DNMT3B: variants seen among roughly 807,000 people sequenced by gnomAD.
DNMT3B encodes DNA (cytosine-5)-methyltransferase 3B.
DNMT3B carries 37 observed loss-of-function variants against 120.2 expected under a neutral mutation model. The ratio of observed to expected loss-of-function variants is 0.31; its 90% confidence interval spans 0.24 to 0.40. The LOEUF (loss-of-function observed/expected upper bound fraction) is 0.40. Among genes scored for constraint, DNMT3B ranks in the 10% least tolerant of loss-of-function variants. DNMT3B has a pLI of 1.00. For missense variants in DNMT3B, 878 were observed against 1,137.3 expected, an observed-to-expected ratio of 0.77 and a Z score of 3.28; for synonymous variants, 412 against 442.8, an observed-to-expected ratio of 0.93 and a Z score of 0.87.
At chr20:32,780,295 A>G in intron 1 of DNMT3B, 23 bp from the exon 2 acceptor site, 1 of 1,613,364 alleles carries the variant, frequency 6.2e-7, no homozygotes, top group Non-Finnish European at 8.5e-7. Flanking sequence ...CTTTCACCCC[A>G]CCCATTCTGG....
intron 19 of DNMT3B, among the ~76,000 whole-genome samples, chr20:32,801,743 C>G (rs755591064): frequency 2.0e-5 from 3 of 152,110 alleles, no homozygotes; most frequent in Non-Finnish European, 2.9e-5. Context: ...CACCACCGTG[C>G]CCAGCCAATT....
intron 1 of DNMT3B, among the ~76,000 whole-genome samples, chr20:32,764,785 A>G (rs374401651): frequency 4.6e-4 from 70 of 152,326 alleles, no homozygotes; most frequent in East Asian, 4.2e-3. Flanking sequence ...AGTCATAGAC[A>G]TAACCCCCAC....
chr20:32,764,537 A>G (rs1370173696), intron 1 of DNMT3B, among the ~76,000 whole-genome samples: 1 of 152,134 alleles, frequency 6.6e-6, no homozygotes, highest in African/African-American at 2.4e-5. Context: ...GCTTTTCTCA[A>G]TCATTGTCCA....
rs1164607955 is a variant in DNMT3B, at chr20:32,766,805, T to G, written c.-7+4106T>G. 2.0e-5 allele frequency among the ~76,000 whole-genome samples: 3 copies of G among 152,170 alleles called. No homozygotes were observed. The East Asian group carries it at 5.8e-4, about 29-fold the overall frequency. On this transcript the variant is annotated intron_variant, in intron 1 of 22. Transcript: ENST00000328111. ...CACCTCATTGCCCAAGCTAGTCTCC[T>G]GGGCTCAAGCAATCTATCCTCCTCA...
chr20:32,798,292 C>T (rs1423616059), intron 14 of DNMT3B, among the ~76,000 whole-genome samples, 168 bp from the exon 15 acceptor site: 3 of 152,172 alleles, frequency 2.0e-5, no homozygotes, highest in Admixed American at 6.5e-5. Flanking sequence ...CCAAGGAAGA[C>T]GTCAGGGAAG....
intron 16 of DNMT3B, among the ~76,000 whole-genome samples, chr20:32,799,577 T>C (rs375062429): frequency 2.9e-4 from 44 of 152,320 alleles, no homozygotes; most frequent in African/African-American, 9.9e-4. Context: ...TAGAGTGCAA[T>C]GGCGTGATCT....
rs1345973894 is a variant in DNMT3B at position 32,788,887 on chromosome 20, T to A, written c.688T>A (p.Trp230Arg). ...GKEFGIGDLVWGKIKGFSWWP... is the reference protein window; with the variant it reads ...GKEFGIGDLVRGKIKGFSWWP... ...GGAGTTTGGAATAGGGGACCTCGTG[T>A]GGGGAAAGATCAAGGGCTTCTCCTG... Residue 230 changes from tryptophan to arginine, a missense_variant, in exon 7 of 23, where the codon TGG (tryptophan) becomes AGG (arginine). This residue lies in a region of DNMT3B where 50 missense variants were observed against 89.7 expected (regional missense o/e 0.56). Transcript: ENST00000328111. 1 of 1,613,652 alleles carries A rather than the reference T, an allele frequency of 6.2e-7. No homozygotes were observed. Among genetic ancestry groups the A allele is most frequent in the Admixed American group, 1.7e-5 (1 of 59,964 alleles).
intron 7 of DNMT3B, among the ~76,000 whole-genome samples, chr20:32,789,929 T>C (rs976592036): frequency 1.3e-5 from 2 of 152,200 alleles, no homozygotes; most frequent in African/African-American, 4.8e-5. Flanking sequence ...TATCCTGTGA[T>C]GGTCTCTTAG....
intron 12 of DNMT3B, 42 bp downstream of exon 12, chr20:32,795,736 C>T (rs1980545025): frequency 1.2e-6 from 2 of 1,611,280 alleles, no homozygotes; most frequent in African/African-American, 1.3e-5. Flanking sequence ...CACACCCTGG[C>T]TAGGGCTCTA....
intron 16 of DNMT3B, 76 bp from the exon 17 acceptor site, chr20:32,800,077 A>G (rs1347757897): frequency 4.4e-6 from 7 of 1,595,540 alleles, no homozygotes; most frequent in Non-Finnish European, 6.0e-6. Flanking sequence ...TCATTTTACC[A>G]TAGCAGGGAG....
chr20:32,771,460 C>G (rs1175452182), intron 1 of DNMT3B, among the ~76,000 whole-genome samples: 1 of 151,858 alleles, frequency 6.6e-6, no homozygotes, highest in African/African-American at 2.4e-5. Context: ...GGCCAGCATA[C>G]TGAAACCCTA....
At chr20:32,792,297 G>T (rs750144998) in intron 8 of DNMT3B, among the ~76,000 whole-genome samples, 3 of 152,318 alleles carry the variant, frequency 2.0e-5, no homozygotes, top group African/African-American at 4.8e-5. Flanking sequence ...AGATGAGATA[G>T]TGCTGGCTGG....
chr20:32,788,405 C>T (rs541182688), intron 6 of DNMT3B, among the ~76,000 whole-genome samples: 14 of 152,254 alleles, frequency 9.2e-5, no homozygotes, highest in South Asian at 8.3e-4. Flanking sequence ...CATTGCTGCA[C>T]GAAGACTCCT....
At chr20:32,797,138 T>C in intron 13 of DNMT3B, 49 bp from the exon 14 acceptor site, 2 of 1,609,364 alleles carry the variant, frequency 1.2e-6, no homozygotes, top group Non-Finnish European at 1.7e-6. Context: ...CGGCAGGGCC[T>C]GCCCTTCTCT....
At chr20:32,785,709 A>ATT (rs1979187058) in intron 4 of DNMT3B, among the ~76,000 whole-genome samples, 1 of 152,314 alleles carries the variant, frequency 6.6e-6, no homozygotes, top group East Asian at 1.9e-4. Flanking sequence ...ATTTGGACAC[A>ATT]GGTTCTGCAA....
At chr20:32,807,651 T>C (rs1982111633) in intron 22 of DNMT3B, 111 bp from the exon 23 acceptor site, 4 of 1,524,500 alleles carry the variant, frequency 2.6e-6, no homozygotes, top group Non-Finnish European at 3.6e-6. Context: ...GGGACCTTAC[T>C]GATGGGACTG....
At position 32,763,094 on chromosome 20, in the gene DNMT3B, C is replaced by A. The variant is rs73112121; in HGVS notation, c.-7+395C>A. Among the ~76,000 whole-genome samples, 740 of 152,230 alleles carry A rather than the reference C, an allele frequency of 4.9e-3. 5 individuals are homozygous for A. Among genetic ancestry groups the A allele is most frequent in the Non-Finnish European group, 5.2e-3 (351 of 67,992 alleles). Reference sequence around the variant, plus strand: ...CGAGAGCATGAACAGGGGCTTTGCTCATGGGCAGGGGGTGTAATTACCTGG... The same window carrying A: ...CGAGAGCATGAACAGGGGCTTTGCTAATGGGCAGGGGGTGTAATTACCTGG... On this transcript the variant is annotated intron_variant, in intron 1 of 22. Transcript: ENST00000328111.
At chr20:32,791,758 GCA>G in intron 8 of DNMT3B, 50 bp downstream of exon 8, 2 of 1,598,516 alleles carry the variant, frequency 1.3e-6, no homozygotes, top group South Asian at 2.2e-5. Context: ...CAGGGATGAA[GCA>G]AGAGACCCAC....
chr20:32,776,278 G>A (rs890839703), intron 1 of DNMT3B, among the ~76,000 whole-genome samples: 1 of 151,734 alleles, frequency 6.6e-6, no homozygotes, highest in African/African-American at 2.4e-5. Flanking sequence ...TCAGCCTACA[G>A]TAAGTAGGGC....
Sources: gnomAD v4.1 joint callset for allele counts (sites outside exome capture counted in the v4.1 genomes callset) on GRCh38, gnomAD v4.1.1 for gene constraint, gnomAD v4.1.1 regional missense constraint, MANE v1.5 for transcripts, NCBI Gene and HGNC (gene_info 2026-07-23, HGNC 2026-07-21) for gene names.